The following NTRK2 variants were observed in gnomAD, a reference collection of about 807,000 sequenced individuals.
NTRK2 encodes BDNF/NT-3 growth factors receptor.
In NTRK2, 13 loss-of-function variants were observed where a neutral mutation model predicts 94.5. The ratio of observed to expected loss-of-function variants is 0.14; its 90% CI spans 0.09 to 0.22. The LOEUF is 0.22. Ranked by LOEUF, NTRK2 falls within the 10% of genes least tolerant of loss-of-function variation. The probability of loss-of-function intolerance (pLI) is 1.00; values close to 1 mark genes in which losing one functional copy is unlikely to be tolerated. For missense variants in NTRK2, 639 were observed against 1,071.2 expected, an observed-to-expected ratio of 0.60 and a Z score of 5.63; for synonymous variants, 372 against 407.4, an observed-to-expected ratio of 0.91 and a Z score of 1.05.
intron 14 of NTRK2, among the ~76,000 whole-genome samples, chr9:84,922,535 C>A (rs1161103389): frequency 6.6e-6 from 1 of 152,198 alleles, no homozygotes; most frequent in Non-Finnish European, 1.5e-5. Flanking sequence ...ACTGTGTGGG[C>A]TTTGAAGCAA....
chr9:84,893,331 C>A (rs1289704582), intron 14 of NTRK2, among the ~76,000 whole-genome samples: 1 of 152,188 alleles, frequency 6.6e-6, no homozygotes, highest in African/African-American at 2.4e-5. Context: ...TCTTAAAAAT[C>A]TGAAATCATG....
At chr9:84,680,973 T>C (rs555214045) in intron 2 of NTRK2, among the ~76,000 whole-genome samples, 2 of 152,212 alleles carry the variant, frequency 1.3e-5, no homozygotes, top group Non-Finnish European at 2.9e-5. Flanking sequence ...GCATGCTACT[T>C]GTTTGCTTTA....
chr9:84,977,072 G>T (rs1432712504), intron 17 of NTRK2, among the ~76,000 whole-genome samples: 1 of 152,200 alleles, frequency 6.6e-6, no homozygotes, highest in Non-Finnish European at 1.5e-5. Context: ...CTGAATCACT[G>T]CTCCAAGGGG....
At chr9:84,670,130 G>A (rs1011713188) in intron 1 of NTRK2, among the ~76,000 whole-genome samples, 10 of 152,064 alleles carry the variant, frequency 6.6e-5, no homozygotes, top group African/African-American at 2.2e-4. Flanking sequence ...TCCTGTCTTG[G>A]GGACCCTTTC....
At chr9:84,947,297 C>T (rs546651581) in intron 15 of NTRK2, among the ~76,000 whole-genome samples, 2 of 152,310 alleles carry the variant, frequency 1.3e-5, no homozygotes, top group African/African-American at 2.4e-5. Flanking sequence ...ACATTGGGCC[C>T]TCCTGGATAA....
intron 14 of NTRK2, among the ~76,000 whole-genome samples, chr9:84,907,285 G>C (rs1277097132): frequency 6.6e-6 from 1 of 152,194 alleles, no homozygotes. Flanking sequence ...TCCAGTAAGA[G>C]AGTCTTCACC....
intron 12 of NTRK2, among the ~76,000 whole-genome samples, chr9:84,833,022 G>A (rs1038952627): frequency 1.3e-5 from 2 of 151,708 alleles, no homozygotes; most frequent in African/African-American, 4.8e-5. Flanking sequence ...GCCCACAGCT[G>A]AGGCTGCCCT....
intron 12 of NTRK2, among the ~76,000 whole-genome samples, chr9:84,826,030 T>G (rs2073162280): frequency 6.6e-6 from 1 of 152,214 alleles, no homozygotes; most frequent in African/African-American, 2.4e-5. Context: ...GCTTTAGGAT[T>G]CTGAATGAAA....
intron 12 of NTRK2, chr9:84,813,860 C>T (rs1480798893): frequency 5.6e-6 from 6 of 1,065,378 alleles, no homozygotes; most frequent in Middle Eastern, 4.1e-4. Flanking sequence ...ATGTGGTCCA[C>T]GTCCTATATC....
chr9:84,686,827 T>C (rs972465662), intron 2 of NTRK2, among the ~76,000 whole-genome samples: 3 of 152,204 alleles, frequency 2.0e-5, no homozygotes, highest in Non-Finnish European at 2.9e-5. Context: ...AAAACCCAAC[T>C]GATAGACATA....
chr9:85,020,632 T>C (rs943162936), intron 18 of NTRK2, among the ~76,000 whole-genome samples: 2 of 152,200 alleles, frequency 1.3e-5, no homozygotes, highest in African/African-American at 4.8e-5. Context: ...GCTCATCTGA[T>C]AAATTAATAG....
intron 14 of NTRK2, among the ~76,000 whole-genome samples, chr9:84,908,232 A>G (rs2077133682): frequency 6.6e-6 from 1 of 152,266 alleles, no homozygotes; most frequent in Admixed American, 6.5e-5. Flanking sequence ...CTCGACATAC[A>G]TCTGATGAAC....
At chr9:84,702,327 T>C in intron 3 of NTRK2, 21 bp from the exon 4 acceptor site, 1 of 1,613,784 alleles carries the variant, frequency 6.2e-7, no homozygotes, top group South Asian at 1.1e-5. Flanking sequence ...CTAATGTGCA[T>C]GAAATTATGT....
intron 2 of NTRK2, among the ~76,000 whole-genome samples, chr9:84,682,633 C>T (rs888941579): frequency 6.6e-6 from 1 of 152,128 alleles, no homozygotes; most frequent in Admixed American, 6.5e-5. Flanking sequence ...CCATGTACTC[C>T]CACCCTCTAA....
At position 84,948,391 on chromosome 9, in the gene NTRK2, TG is replaced by T. The variant is rs1166946766; in HGVS notation, c.1765-69del. On this transcript the variant is annotated intron_variant, in intron 15 of 18. Coordinates refer to ENST00000277120, the MANE Select transcript of NTRK2 (RefSeq NM_006180.6). ...CTCATCTTTTGCCTAACAAATGAGA[TG>T]GATGTCTTTCCTATCTCAGTATCAT... The T allele has an allele frequency of 6.0e-5, 89 of 1,487,282 alleles. No individual in the cohort carries two copies. In the African/African-American group the frequency reaches 1.1e-3, roughly 18 times the overall value. The allele number at this position is 1,487,282 out of a possible 1,614,324, so 92.1% of individuals were successfully genotyped here. A position where few individuals can be genotyped will look rare whatever the true frequency, so the allele number is the denominator to read the frequency against.
intron 12 of NTRK2, among the ~76,000 whole-genome samples, chr9:84,840,272 T>C (rs1041503222): frequency 5.7e-4 from 86 of 151,046 alleles, no homozygotes; most frequent in African/African-American, 1.9e-3. Context: ...ATTCTTTTTT[T>C]TTTTTTTTTT....
At chr9:84,692,447 T>G (rs11140733) in intron 2 of NTRK2, among the ~76,000 whole-genome samples, 17,040 of 145,872 alleles carry the variant, frequency 0.12, 1,140 homozygotes, top group Non-Finnish European at 0.15. Flanking sequence ...GTTTCTTTTC[T>G]TTTCTTTTTT....
At chr9:84,998,369 C>G (rs1199482339) in intron 17 of NTRK2, among the ~76,000 whole-genome samples, 1 of 152,154 alleles carries the variant, frequency 6.6e-6, no homozygotes. Flanking sequence ...TGGGCCAGTC[C>G]CCTACCACTA....
intron 12 of NTRK2, among the ~76,000 whole-genome samples, chr9:84,849,753 G>A (rs1474602151): frequency 1.3e-5 from 2 of 152,164 alleles, no homozygotes; most frequent in African/African-American, 2.4e-5. Context: ...CAGAGAATGG[G>A]AGACACGACT....
Sources: gnomAD v4.1 joint callset for allele counts (sites outside exome capture counted in the v4.1 genomes callset) on GRCh38, gnomAD v4.1.1 for gene constraint, MANE v1.5 for transcripts, NCBI Gene and HGNC (gene_info 2026-07-23, HGNC 2026-07-21) for gene names.